Variants in PRIMA1 observed in about 807,000 individuals in gnomAD.
The protein encoded by PRIMA1 is proline rich membrane anchor 1.
Under a neutral mutation model 17.5 loss-of-function variants are expected in PRIMA1, and 7 were observed. That is an observed-to-expected ratio of 0.40 (90% CI 0.23 to 0.75). The LOEUF (loss-of-function observed/expected upper bound fraction) is 0.75. PRIMA1 is among the 30% of genes least tolerant of loss of function. PRIMA1 has a pLI of 0.37. For synonymous variants in PRIMA1, 97 were observed against 77.9 expected (o/e 1.25, Z -1.29); for missense variants, 200 against 201.8 (o/e 0.99, Z 0.05).
In PRIMA1 at chr14:93,786,837, A is replaced by C. The variant is rs146785915; in HGVS notation, c.93+789T>G. Among the ~76,000 whole-genome samples the C allele has an allele frequency of 2.4e-3, 364 of 152,314 alleles. 2 individuals carry two copies. The highest frequency in any genetic ancestry group is 8.3e-3 in the African/African-American group (344 of 41,578). Reference sequence around the variant, plus strand: ...TGGCACTGCACTAAGTAATCCTTACATGCATTTATCTCATCAAGTACTTAC... The same window carrying C: ...TGGCACTGCACTAAGTAATCCTTACCTGCATTTATCTCATCAAGTACTTAC... On this transcript the variant is annotated intron_variant, in intron 2 of 4. Coordinates refer to ENST00000393140, the MANE Select transcript of PRIMA1 (RefSeq NM_178013.4).
chr14:93,763,223 C>A (rs1256580777), intron 3 of PRIMA1, among the ~76,000 whole-genome samples: 1 of 152,176 alleles, frequency 6.6e-6, no homozygotes, highest in African/African-American at 2.4e-5. Context: ...GTCTGCCCCC[C>A]CAGCATTGCC....
At chr14:93,750,809 G>A (rs1324533115) in intron 3 of PRIMA1, among the ~76,000 whole-genome samples, 1 of 152,070 alleles carries the variant, frequency 6.6e-6, no homozygotes, top group Non-Finnish European at 1.5e-5. Context: ...ATTATTTTTA[G>A]AAAGGCCCTT....
intron 4 of PRIMA1, among the ~76,000 whole-genome samples, chr14:93,736,497 C>T (rs2076150983): frequency 6.6e-6 from 1 of 152,198 alleles, no homozygotes; most frequent in South Asian, 2.1e-4. Flanking sequence ...GCAGAGGGGG[C>T]TCTGAGTTTG....
At chr14:93,732,199 C>T (rs2076119231) in intron 4 of PRIMA1, among the ~76,000 whole-genome samples, 1 of 152,218 alleles carries the variant, frequency 6.6e-6, no homozygotes, top group Non-Finnish European at 1.5e-5. Flanking sequence ...ATGGGCGTGT[C>T]TCCGTGCAGG....
intron 3 of PRIMA1, among the ~76,000 whole-genome samples, chr14:93,776,110 T>C (rs943616336): frequency 3.9e-5 from 6 of 152,156 alleles, no homozygotes; most frequent in African/African-American, 1.2e-4. Context: ...TGAGCCAGCC[T>C]GAGAGAAAAG....
chr14:93,746,526 A>G (rs1407436009), intron 3 of PRIMA1, among the ~76,000 whole-genome samples: 1 of 151,878 alleles, frequency 6.6e-6, no homozygotes, highest in African/African-American at 2.4e-5. Flanking sequence ...GCCTAGAGGG[A>G]GTCGCGAGGG....
intron 2 of PRIMA1, among the ~76,000 whole-genome samples, chr14:93,787,204 A>G (rs12892664): frequency 0.36 from 54,378 of 152,148 alleles, 11,798 homozygotes; most frequent in Non-Finnish European, 0.51. Flanking sequence ...TCTGATACCT[A>G]TAAGAAACAC....
intron 3 of PRIMA1, among the ~76,000 whole-genome samples, chr14:93,755,131 C>T (rs184953371): frequency 2.0e-4 from 30 of 152,262 alleles, no homozygotes; most frequent in African/African-American, 6.5e-4. Context: ...GAAAAAAACC[C>T]GAGGCCTAAG....
At chr14:93,777,406 G>T (rs965758880) in intron 3 of PRIMA1, among the ~76,000 whole-genome samples, 2 of 152,120 alleles carry the variant, frequency 1.3e-5, no homozygotes, top group Non-Finnish European at 2.9e-5. Flanking sequence ...GCGCAATCTT[G>T]GTTCACTGCA....
chr14:93,723,756 A>C (rs906129158), intron 4 of PRIMA1, among the ~76,000 whole-genome samples: 2 of 152,068 alleles, frequency 1.3e-5, no homozygotes, highest in African/African-American at 4.8e-5. Context: ...CTGGAGTAAG[A>C]GATTCATTTC....
At chr14:93,721,640 C>G in intron 4 of PRIMA1, 94 bp from the exon 5 acceptor site, 2 of 738,484 alleles carry the variant, frequency 2.7e-6, no homozygotes. Flanking sequence ...CTCCAGCTAG[C>G]ATCCCTGCTC....
At chr14:93,753,281 C>T (rs1405122061) in intron 3 of PRIMA1, among the ~76,000 whole-genome samples, 2 of 152,226 alleles carry the variant, frequency 1.3e-5, no homozygotes, top group East Asian at 1.9e-4. Context: ...AGAGGCTGTG[C>T]AGTGGAACTG....
chr14:93,779,219 CGGGGGCAGCGGGGGA>C lies in PRIMA1; in HGVS notation c.171_185del (p.Leu60_Pro64del). ...TGGGAGGTGGCGGGGGTGGGGGCGG[CGGGGGCAGCGGGGGA>C]GGGGGCCGGCACTGGCAGACGTGTC... On this transcript the variant is annotated inframe_deletion, in exon 3 of 5. Transcript: ENST00000393140. 2 of 408,222 alleles carry C rather than the reference CGGGGGCAGCGGGGGA, an allele frequency of 4.9e-6. No homozygotes were observed. Among genetic ancestry groups the C allele is most frequent in the Non-Finnish European group, 6.3e-6 (2 of 316,484 alleles). The allele number at this position is 408,222 out of a possible 1,614,324, so 25.3% of individuals were successfully genotyped here. A position where few individuals can be genotyped will look rare whatever the true frequency, so the allele number is the denominator to read the frequency against.
At chr14:93,729,552 C>T (rs889724639) in intron 4 of PRIMA1, among the ~76,000 whole-genome samples, 1 of 152,186 alleles carries the variant, frequency 6.6e-6, no homozygotes, top group Admixed American at 6.5e-5. Flanking sequence ...TGGAGCAGTT[C>T]CACTCCTGTC....
chr14:93,777,631 C>G (rs970385900), intron 3 of PRIMA1, among the ~76,000 whole-genome samples: 1 of 152,208 alleles, frequency 6.6e-6, no homozygotes, highest in Non-Finnish European at 1.5e-5. Context: ...CCACTGTGCC[C>G]GACCAATCCC....
At chr14:93,759,385 A>G (rs1402534072) in intron 3 of PRIMA1, among the ~76,000 whole-genome samples, 1 of 151,784 alleles carries the variant, frequency 6.6e-6, no homozygotes, top group Non-Finnish European at 1.5e-5. Context: ...GGGTGTTTCT[A>G]CCCCTGACTG....
At chr14:93,782,269 A>AAAATAAAT (rs71412332) in intron 2 of PRIMA1, among the ~76,000 whole-genome samples, 1 of 149,716 alleles carries the variant, frequency 6.7e-6, no homozygotes, top group Admixed American at 6.6e-5. Context: ...CTCCGTCTCA[A>AAAATAAAT]AAATAAATAA....
At chr14:93,727,726 G>A (rs1005732363) in intron 4 of PRIMA1, among the ~76,000 whole-genome samples, 7 of 152,182 alleles carry the variant, frequency 4.6e-5, no homozygotes, top group Non-Finnish European at 8.8e-5. Context: ...GACACATGTG[G>A]GCATGCCCTT....
At chr14:93,766,800 G>T (rs1313662831) in intron 3 of PRIMA1, among the ~76,000 whole-genome samples, 1 of 152,148 alleles carries the variant, frequency 6.6e-6, no homozygotes, top group Non-Finnish European at 1.5e-5. Context: ...CAAAACCAAT[G>T]ACTGGGTTTC....
Sources: gnomAD v4.1 joint callset for allele counts (sites outside exome capture counted in the v4.1 genomes callset) on GRCh38, gnomAD v4.1.1 for gene constraint, MANE v1.5 for transcripts, NCBI Gene and HGNC (gene_info 2026-07-23, HGNC 2026-07-21) for gene names.